Variants in WDR82 observed in about 807,000 individuals in gnomAD.
WDR82 encodes the protein WD repeat-containing protein 82.
WDR82 carries 8 observed loss-of-function variants against 36.1 expected under a neutral mutation model. The ratio of observed to expected loss-of-function variants is 0.22; its 90% CI spans 0.13 to 0.40. The LOEUF (loss-of-function observed/expected upper bound fraction) is 0.40, where lower values mean the gene tolerates loss of function less well. Among genes scored for constraint, WDR82 ranks in the 10% least tolerant of loss-of-function variants. The pLI is 1.00. For missense variants in WDR82, 185 were observed against 400.5 expected, an observed-to-expected ratio of 0.46 and a Z score of 4.59; for synonymous variants, 129 against 137.8, an observed-to-expected ratio of 0.94 and a Z score of 0.45.
intron 4 of WDR82, 23 bp downstream of exon 4, chr3:52,261,357 G>A: frequency 6.3e-7 from 1 of 1,598,374 alleles, no homozygotes; most frequent in Non-Finnish European, 8.5e-7. Flanking sequence ...TGCTCAAAAA[G>A]TATAACTGTG....
rs1485550990 is a variant in WDR82, at chr3:52,257,255, CAGTT to C, written c.*231_*234del. On this transcript the variant is annotated 3_prime_UTR_variant, in exon 9 of 9. Transcript: ENST00000296490. ...CCTCCAGCAGAGCTTGGTGCAGTGACAGTTAGAAAAGCTGAGTTCCAATTGAGTC... is the reference window on the plus strand; with the variant it reads ...CCTCCAGCAGAGCTTGGTGCAGTGACAGAAAAGCTGAGTTCCAATTGAGTC... 11 of 589,684 alleles carry C rather than the reference CAGTT, an allele frequency of 1.9e-5. No individual in the cohort carries two copies. Among genetic ancestry groups the C allele is most frequent in the South Asian group, 1.2e-4 (6 of 48,158 alleles). 36.5% of individuals were successfully genotyped at this position (589,684 alleles called of 1,614,324 possible).
chr3:52,277,971 C>A (rs1394543532), intron 1 of WDR82, among the ~76,000 whole-genome samples: 2 of 151,690 alleles, frequency 1.3e-5, no homozygotes, highest in East Asian at 3.9e-4. Context: ...CAAAGGAGAC[C>A]GAAGACATAC....
Position 52,259,753 on chromosome 3 carries a change from A to C in WDR82, c.663T>G (p.Ile221Met), listed in dbSNP as rs1700044161. 7 of 1,613,972 alleles carry C rather than the reference A, an allele frequency of 4.3e-6. No individual in the cohort carries two copies. Among genetic ancestry groups the C allele is most frequent in the African/African-American group, 1.3e-5 (1 of 74,920 alleles). The change falls in exon 6 of 9, where the codon ATT becomes ATG. Residue 221 changes from isoleucine to methionine, a missense_variant. Ile to Met is a conservative substitution (Grantham distance 10). Around this residue, in one of 3 missense-constraint regions of WDR82, gnomAD observed 110 missense variants for 212.6 expected, o/e 0.52. Coordinates refer to ENST00000296490, the MANE Select transcript of WDR82 (RefSeq NM_025222.4). ...ISTNGSFIRL[I>M]DAFKGVVMHT... is the part of the protein sequence containing the mutation. ...GCATCACCACTCCTTTGAATGCATC[A>C]ATCAGACGAATGAAGCTGCCGTTGG... is the stretch of plus-strand genomic sequence containing the variant.
chr3:52,266,791 C>A (rs1320562516), intron 3 of WDR82, among the ~76,000 whole-genome samples, 161 bp downstream of exon 3: 1 of 152,146 alleles, frequency 6.6e-6, no homozygotes, highest in East Asian at 1.9e-4. Flanking sequence ...ACCTCTATAA[C>A]CTCAGTAAAT....
At chr3:52,277,232 C>T (rs1034473045) in intron 1 of WDR82, among the ~76,000 whole-genome samples, 1 of 151,926 alleles carries the variant, frequency 6.6e-6, no homozygotes, top group African/African-American at 2.4e-5. Context: ...TTTTTGGCTC[C>T]AAGGAGCTGC....
rs1466321571 is a variant in WDR82 at position 52,257,128 on chromosome 3, G to A, written c.*362C>T. 5 of 254,038 alleles carry A rather than the reference G, an allele frequency of 2.0e-5. No homozygotes were observed. The highest frequency in any genetic ancestry group is 3.8e-5 in the Non-Finnish European group (5 of 130,924). 15.7% of individuals were successfully genotyped at this position (254,038 alleles called of 1,614,324 possible). A position where few individuals can be genotyped will look rare whatever the true frequency, so the allele number is the denominator to read the frequency against. On this transcript the variant is annotated 3_prime_UTR_variant, in exon 9 of 9. Transcript: ENST00000296490. ...TTCCCATGCAGTTGGAGGGTAGAAGGGATGTGCGGAACTGATGACTTCACC... is the reference window on the plus strand; with the variant it reads ...TTCCCATGCAGTTGGAGGGTAGAAGAGATGTGCGGAACTGATGACTTCACC...
rs779381203 is a variant in WDR82 at position 52,259,881 on chromosome 3, GATAAAA to G, written c.544-15_544-10del. ...AAGGTAGCAAATGGCCCCTGCAAAA[GATAAAA>G]AACAGTAGCCCCAGGCATATTAATA... On this transcript the variant is annotated splice_polypyrimidine_tract_variant and intron_variant, in intron 5 of 8. Transcript: ENST00000296490. 14 of 1,608,854 alleles carry G rather than the reference GATAAAA, an allele frequency of 8.7e-6. No individual in the cohort carries two copies. The African/African-American group carries it at 1.7e-4, about 20-fold the overall frequency.
intron 2 of WDR82, chr3:52,267,516 T>C (rs1700116529): frequency 6.4e-6 from 1 of 157,016 alleles, no homozygotes; most frequent in African/African-American, 2.4e-5. Flanking sequence ...CATCAGTATG[T>C]TGACCCACCC....
intron 4 of WDR82, 60 bp downstream of exon 4, chr3:52,261,320 G>T: frequency 2.1e-6 from 3 of 1,416,560 alleles, no homozygotes; most frequent in Non-Finnish European, 3.0e-6. Context: ...GAGAGGTAGA[G>T]TTCATTACAG....
At position 52,256,340 on chromosome 3, in the gene WDR82, G is replaced by T. The variant is rs1197759500; in HGVS notation, c.*1150C>A. On this transcript the variant is annotated 3_prime_UTR_variant, in exon 9 of 9. Transcript: ENST00000296490. ...GAACTCTTGGAAACTACAGATGAGA[G>T]ATATATGCATACGCACACACATATA... 6.5e-6 allele frequency: 1 copy of T among 153,798 alleles called. No individual in the cohort carries two copies. The allele number at this position is 153,798 out of a possible 1,614,324, so 9.5% of individuals were successfully genotyped here.
rs775525195 is a variant in WDR82 at position 52,259,785 on chromosome 3, T to C, written c.631A>G (p.Ile211Val). 9 of 1,614,014 alleles carry C rather than the reference T, an allele frequency of 5.6e-6. 1 individual carries two copies. In the South Asian group the frequency reaches 9.9e-5, roughly 18 times the overall value. The change falls in exon 6 of 9, where the codon ATT becomes GTT. Residue 211 changes from isoleucine (I) to valine (V), a missense_variant. Coordinates refer to ENST00000296490, the MANE Select transcript of WDR82 (RefSeq NM_025222.4). Reference protein sequence around the residue: ...KFSNDGKLILISTNGSFIRLI... With the variant: ...KFSNDGKLILVSTNGSFIRLI... ...CGAATGAAGCTGCCGTTGGTGGAAA[T>C]GAGGATGAGCTTGCCATCATTGCTG...
chr3:52,275,397 C>A (rs1700194183), intron 1 of WDR82, among the ~76,000 whole-genome samples: 1 of 152,144 alleles, frequency 6.6e-6, no homozygotes, highest in Non-Finnish European at 1.5e-5. Context: ...ATGTCACATA[C>A]CTAGTCACAG....
chr3:52,264,944 A>C (rs1245925037), intron 3 of WDR82, among the ~76,000 whole-genome samples: 1 of 151,962 alleles, frequency 6.6e-6, no homozygotes, highest in Non-Finnish European at 1.5e-5. Context: ...CTTAACCACC[A>C]CACCCAGCTG....
intron 7 of WDR82, among the ~76,000 whole-genome samples, 156 bp from the exon 8 acceptor site, chr3:52,258,834 TTTGG>T (rs1700034581): frequency 6.6e-6 from 1 of 152,176 alleles, no homozygotes; most frequent in Admixed American, 6.5e-5. Context: ...GGAAGGACAC[TTTGG>T]AAATTTATCT....
chr3:52,274,825 C>G (rs1250405521), intron 1 of WDR82, among the ~76,000 whole-genome samples: 1 of 150,524 alleles, frequency 6.6e-6, no homozygotes, highest in Non-Finnish European at 1.5e-5. Context: ...TCGCTTGAAT[C>G]CAGCAGCGAG....
chr3:52,275,805 A>T (rs1265882917), intron 1 of WDR82, among the ~76,000 whole-genome samples: 1 of 152,066 alleles, frequency 6.6e-6, no homozygotes, highest in Non-Finnish European at 1.5e-5. Flanking sequence ...AATCGCTTGA[A>T]CCCAGGAGCC....
intron 1 of WDR82, among the ~76,000 whole-genome samples, chr3:52,273,894 T>C (rs1386449745): frequency 6.6e-6 from 1 of 152,160 alleles, no homozygotes; most frequent in East Asian, 1.9e-4. Flanking sequence ...AGTGCTGGGA[T>C]TACAAGTGTG....
At chr3:52,265,312 A>C (rs1224106810) in intron 3 of WDR82, among the ~76,000 whole-genome samples, 1 of 70,092 alleles carries the variant, frequency 1.4e-5, no homozygotes, top group Non-Finnish European at 3.5e-5. Context: ...AAAAAAAAAA[A>C]AAAAAAAAAA....
At chr3:52,262,336 G>A (rs1011215958) in intron 3 of WDR82, among the ~76,000 whole-genome samples, 2 of 152,138 alleles carry the variant, frequency 1.3e-5, no homozygotes, top group Non-Finnish European at 2.9e-5. Flanking sequence ...GTCCAACTTT[G>A]CAAATATAGT....
Sources: allele counts gnomAD v4.1 joint callset (sites outside exome capture counted in the v4.1 genomes callset), GRCh38; gene constraint gnomAD v4.1.1; regional missense constraint gnomAD v4.1.1; transcripts MANE v1.5; gene names NCBI Gene and HGNC (gene_info 2026-07-23, HGNC 2026-07-21).